TTC8: variants seen among roughly 807,000 people sequenced by gnomAD.
TTC8 encodes the protein tetratricopeptide repeat protein 8.
A neutral mutation model predicts 72.5 loss-of-function variants in TTC8; 47 were observed. That is an observed-to-expected ratio of 0.65 (90% confidence interval 0.51 to 0.83). The LOEUF is 0.83. Among genes scored for constraint, TTC8 ranks in the 40% least tolerant of loss-of-function variants. TTC8 has a pLI of 0.00. For synonymous variants in TTC8, 199 were observed against 221.4 expected (o/e 0.90, Z 0.90); for missense variants, 611 against 623.2 (o/e 0.98, Z 0.21).
At chr14:88,879,087 GC>G (rs2094966447), downstream of TTC8, 1 of 152,092 alleles carries the variant, frequency 6.6e-6, no homozygotes. Context: ...TATTAACACA[GC>G]AAAAAATAAA....
intron 10 of TTC8, among the ~76,000 whole-genome samples, chr14:88,862,242 T>G (rs1032686446): frequency 2.0e-5 from 3 of 152,038 alleles, no homozygotes; most frequent in Non-Finnish European, 4.4e-5. Context: ...ATTAGTAATG[T>G]TGAGCATGTG....
chr14:88,829,072 T>C (rs2094714552), intron 1 of TTC8, among the ~76,000 whole-genome samples: 1 of 152,184 alleles, frequency 6.6e-6, no homozygotes, highest in Non-Finnish European at 1.5e-5. Context: ...TTGAAGAATA[T>C]GGGTTCTCAA....
chr14:88,842,434 A>T (rs896010378), intron 6 of TTC8, among the ~76,000 whole-genome samples: 9 of 152,204 alleles, frequency 5.9e-5, no homozygotes. Flanking sequence ...TTTTTCTTAA[A>T]TTCTTGTTCA....
At chr14:88,826,573 G>A (rs563101410) in intron 1 of TTC8, among the ~76,000 whole-genome samples, 1 of 151,910 alleles carries the variant, frequency 6.6e-6, no homozygotes, top group African/African-American at 2.4e-5. Context: ...GCGTGTTGGC[G>A]GGCGCCTGTA....
At chr14:88,844,061 G>A (rs1039009422) in intron 7 of TTC8, among the ~76,000 whole-genome samples, 1 of 152,142 alleles carries the variant, frequency 6.6e-6, no homozygotes, top group Non-Finnish European at 1.5e-5. Context: ...CATAGAGTAT[G>A]TAGATCTCCA....
chr14:88,874,158 G>A (rs968138961), intron 13 of TTC8, among the ~76,000 whole-genome samples: 3 of 152,114 alleles, frequency 2.0e-5, no homozygotes, highest in African/African-American at 7.2e-5. Flanking sequence ...TCTCTAGCAT[G>A]CAATTGACTT....
intron 10 of TTC8, among the ~76,000 whole-genome samples, chr14:88,869,524 C>T (rs1250747644): frequency 6.6e-6 from 1 of 152,160 alleles, no homozygotes; most frequent in Non-Finnish European, 1.5e-5. Context: ...GAAGTTCTCA[C>T]CGTGGCTTAC....
intron 11 of TTC8, 70 bp downstream of exon 11, chr14:88,870,268 A>G (rs767515767): frequency 5.9e-6 from 9 of 1,533,234 alleles, no homozygotes; most frequent in Non-Finnish European, 8.1e-6. Context: ...GAAAGATGGA[A>G]TGAAAGTATA....
intron 10 of TTC8, among the ~76,000 whole-genome samples, chr14:88,869,740 C>T (rs1225214085): frequency 6.6e-6 from 1 of 152,172 alleles, no homozygotes; most frequent in Non-Finnish European, 1.5e-5. Flanking sequence ...AATAGCACCT[C>T]CTCCAAAGTG....
chr14:88,838,563 T>C (rs2094764051), intron 2 of TTC8, among the ~76,000 whole-genome samples: 2 of 152,084 alleles, frequency 1.3e-5, no homozygotes, highest in African/African-American at 4.8e-5. Flanking sequence ...GCTTCAAGAG[T>C]TGCCTTCTTT....
At chr14:88,848,149 A>T (rs1473679937) in intron 7 of TTC8, among the ~76,000 whole-genome samples, 1 of 146,320 alleles carries the variant, frequency 6.8e-6, no homozygotes, top group Admixed American at 6.7e-5. Context: ...AAAAAAAAAA[A>T]GCTGATCTTA....
rs191184373 is a variant in TTC8 at position 88,868,042 on chromosome 14, C to T, written c.910-2017C>T. Among the ~76,000 whole-genome samples the T allele has an allele frequency of 5.9e-5, 9 of 152,256 alleles. No individual in the cohort carries two copies. The East Asian group carries it at 7.7e-4, about 13-fold the overall frequency. On this transcript the variant is annotated intron_variant, in intron 10 of 14. Transcript: ENST00000380656. ...CAACTGAGAGAGAGATACAAGATTT[C>T]GACAAATAGAGGTCAGACCATTAGC...
chr14:88,852,262 T>C (rs1282916204), intron 7 of TTC8, among the ~76,000 whole-genome samples: 1 of 152,188 alleles, frequency 6.6e-6, no homozygotes, highest in East Asian at 1.9e-4. Flanking sequence ...TAGTCACCTC[T>C]TGTCTAATCT....
intron 1 of TTC8, among the ~76,000 whole-genome samples, chr14:88,827,968 G>A (rs550733820): frequency 1.6e-4 from 24 of 152,228 alleles, no homozygotes; most frequent in Non-Finnish European, 2.9e-4. Context: ...TGTATTTGCT[G>A]AATGAGTGCG....
In TTC8 at chr14:88,870,325, A is replaced by G; in HGVS notation, c.1049+127A>G. On this transcript the variant is annotated intron_variant, in intron 11 of 14. Transcript: ENST00000380656. The stretch of plus-strand genomic sequence containing the variant: ...GTCTTTATGAAACTCAAATGTCAAC[A>G]CTGAGATATATAATGAGCATTGAAG... The G allele has an allele frequency of 2.9e-6, 3 of 1,027,412 alleles. No homozygotes were observed. The East Asian group carries it at 7.2e-5, about 25-fold the overall frequency. The allele number at this position is 1,027,412 out of a possible 1,614,324, so 63.6% of individuals were successfully genotyped here.
chr14:88,848,855 A>G (rs2094820625), intron 7 of TTC8, among the ~76,000 whole-genome samples: 1 of 152,156 alleles, frequency 6.6e-6, no homozygotes, highest in Non-Finnish European at 1.5e-5. Context: ...ACCTCATGGT[A>G]CTAACGGAGA....
chr14:88,841,669 A>G (rs2094782353), intron 6 of TTC8, 155 bp downstream of exon 6: 1 of 703,734 alleles, frequency 1.4e-6, no homozygotes, highest in African/African-American at 1.8e-5. Context: ...TCTTTGAGTT[A>G]ATTGAGTTAA....
In TTC8 at chr14:88,852,986, G is replaced by A. The variant is rs1295139564; in HGVS notation, c.640G>A (p.Ala214Thr). 9.3e-6 allele frequency: 15 copies of A among 1,613,240 alleles called. No individual in the cohort carries two copies. Among genetic ancestry groups the A allele is most frequent in the African/African-American group, 1.3e-5 (1 of 74,902 alleles). Residue 214 changes from alanine to threonine, a missense_variant, in exon 8 of 15, where the codon GCC becomes ACC. Transcript: ENST00000380656. ...GTTTTCAAAGGCTTTGGATCTGGCT[G>A]CCCTCTCCACAGAACATTCTCAGTA... Reference protein sequence around the residue: ...NDVKTALDLAALSTEHSQYKD... With the variant: ...NDVKTALDLATLSTEHSQYKD...
At position 88,842,359 on chromosome 14, in the gene TTC8, T is replaced by G. The variant is rs552284931; in HGVS notation, c.579+845T>G. Reference sequence around the variant, plus strand: ...GGACACTAGCTGTACAGACTTAAGTTTAAGTCTGAAAAAAAGATGCCATTT... The same window carrying G: ...GGACACTAGCTGTACAGACTTAAGTGTAAGTCTGAAAAAAAGATGCCATTT... On this transcript the variant is annotated intron_variant, in intron 6 of 14. Coordinates refer to ENST00000380656, the MANE Select transcript of TTC8 (RefSeq NM_144596.4). 4.1e-4 allele frequency among the ~76,000 whole-genome samples: 63 copies of G among 152,306 alleles called. No individual in the cohort carries two copies. In the South Asian group the frequency reaches 0.013, roughly 31 times the overall value.
Sources: gnomAD v4.1 joint callset for allele counts (sites outside exome capture counted in the v4.1 genomes callset) on GRCh38, gnomAD v4.1.1 for gene constraint, MANE v1.5 for transcripts, NCBI Gene and HGNC (gene_info 2026-07-23, HGNC 2026-07-21) for gene names.